LRSAM1: variants seen among roughly 807,000 people sequenced by gnomAD.
LRSAM1 encodes the protein leucine rich repeat and sterile alpha motif containing 1, also known as E3 ubiquitin-protein ligase LRSAM1.
A neutral mutation model predicts 118.1 loss-of-function variants in LRSAM1; 96 were observed. That is an observed-to-expected ratio of 0.81 (90% CI 0.69 to 0.96). The LOEUF (loss-of-function observed/expected upper bound fraction) is 0.96, where lower values mean the gene tolerates loss of function less well. Among genes scored for constraint, LRSAM1 ranks in the 40% least tolerant of loss-of-function variants. LRSAM1 has a pLI of 0.00. For missense variants in LRSAM1, 804 were observed against 915.5 expected (o/e 0.88, Z 1.57); for synonymous variants, 322 against 364.2 (o/e 0.88, Z 1.32).
chr9:127,501,269 A>G, intron 25 of LRSAM1, 126 bp downstream of exon 25: 1 of 1,257,736 alleles, frequency 8.0e-7, no homozygotes, highest in East Asian at 2.6e-5. Flanking sequence ...TCATCTAGAA[A>G]GAAGGCAGGA....
rs372408222 is a variant in LRSAM1, at chr9:127,454,589, A to G, written c.62A>G (p.Gln21Arg). ...SEEARKRLEYQMCLAKEAGAD... is the reference protein window; with the variant it reads ...SEEARKRLEYRMCLAKEAGAD... Reference sequence around the variant, plus strand: ...GAGGCTCGGAAACGCCTGGAGTACCAGATGTGTTTGGTGAGGGAAAGTGGG... The same window carrying G: ...GAGGCTCGGAAACGCCTGGAGTACCGGATGTGTTTGGTGAGGGAAAGTGGG... The change falls in exon 3 of 26, where the codon CAG (glutamine) becomes CGG (arginine). Residue 21 changes from glutamine (Q) to arginine (R), a missense_variant. Physicochemically the swap from Gln to Arg is conservative, Grantham distance 43. Coordinates refer to ENST00000300417, the MANE Select transcript of LRSAM1 (RefSeq NM_001005373.4). 1.5e-5 allele frequency: 24 copies of G among 1,613,896 alleles called. No homozygotes were observed. The African/African-American group carries it at 2.9e-4, about 20-fold the overall frequency.
chr9:127,491,843 CCAGCACAGCCCTGCTGTG>C (rs1250753371), intron 20 of LRSAM1, among the ~76,000 whole-genome samples: 1 of 152,188 alleles, frequency 6.6e-6, no homozygotes, highest in Non-Finnish European at 1.5e-5. Context: ...CGGGTGTGGC[CCAGCACAGCCCTGCTGTG>C]CAACTTTGGC....
chr9:127,469,203 C>G (rs561834372), intron 10 of LRSAM1, among the ~76,000 whole-genome samples: 1 of 152,300 alleles, frequency 6.6e-6, no homozygotes, highest in South Asian at 2.1e-4. Flanking sequence ...CACACGGTGG[C>G]TCACACCTGT....
chr9:127,492,139 C>T (rs1835955853), intron 20 of LRSAM1, among the ~76,000 whole-genome samples: 1 of 152,248 alleles, frequency 6.6e-6, no homozygotes. Context: ...AGACAGGCCT[C>T]TGCCCCTCCA....
intron 10 of LRSAM1, among the ~76,000 whole-genome samples, chr9:127,469,720 T>C (rs929532429): frequency 6.6e-6 from 1 of 151,830 alleles, no homozygotes; most frequent in African/African-American, 2.4e-5. Flanking sequence ...TCCCAGCACT[T>C]TGGGAGGCCG....
chr9:127,497,391 T>G, intron 24 of LRSAM1, 57 bp downstream of exon 24: 2 of 1,519,042 alleles, frequency 1.3e-6, no homozygotes, highest in Non-Finnish European at 1.8e-6. Context: ...GTGTGGGCTC[T>G]GGTGGGGACA....
Position 127,451,546 on chromosome 9 carries a change from C to G in LRSAM1, c.-312C>G, listed in dbSNP as rs1834321927. On this transcript the variant is annotated 5_prime_UTR_variant, in exon 1 of 26. Coordinates refer to ENST00000300417, the MANE Select transcript of LRSAM1 (RefSeq NM_001005373.4). Reference sequence around the variant, plus strand: ...GCGCCTGAGGCTGACGGCTGGCAAGCAGGGCACCGCGGTGCGCTGAAGCTA... The same window carrying G: ...GCGCCTGAGGCTGACGGCTGGCAAGGAGGGCACCGCGGTGCGCTGAAGCTA... 1.7e-6 allele frequency: 1 copy of G among 583,514 alleles called. No homozygotes were observed. The highest frequency in any genetic ancestry group is 3.1e-6 in the Non-Finnish European group (1 of 326,296). 36.1% of individuals were successfully genotyped at this position (583,514 alleles called of 1,614,324 possible).
chr9:127,485,882 G>T (rs1255283574), intron 17 of LRSAM1, 47 bp downstream of exon 17: 1 of 1,579,966 alleles, frequency 6.3e-7, no homozygotes, highest in Admixed American at 1.7e-5. Flanking sequence ...GGGGGAGCTG[G>T]CTCAGGGCCC....
chr9:127,484,974 A>C (rs1400169859), intron 16 of LRSAM1, among the ~76,000 whole-genome samples: 2 of 151,454 alleles, frequency 1.3e-5, no homozygotes, highest in Non-Finnish European at 2.9e-5. Flanking sequence ...TGCCCGGCTA[A>C]TTTTTGTATT....
chr9:127,492,713 G>C, intron 20 of LRSAM1, 89 bp from the exon 21 acceptor site: 1 of 1,215,136 alleles, frequency 8.2e-7, no homozygotes, highest in Non-Finnish European at 1.2e-6. Flanking sequence ...CCGAGTGAGC[G>C]GGAGGCCAGG....
chr9:127,461,506 C>T (rs1834745184), intron 8 of LRSAM1, among the ~76,000 whole-genome samples: 2 of 152,188 alleles, frequency 1.3e-5, no homozygotes, highest in Non-Finnish European at 2.9e-5. Flanking sequence ...GGCAGCTGGG[C>T]CCCGAGCCTC....
intron 10 of LRSAM1, among the ~76,000 whole-genome samples, chr9:127,471,860 G>T (rs562999256): frequency 2.1e-5 from 3 of 145,608 alleles, no homozygotes; most frequent in Non-Finnish European, 3.0e-5. Context: ...ACAGGGTTTC[G>T]CCATGTTGAC....
At chr9:127,482,861 G>A in intron 15 of LRSAM1, 89 bp from the exon 16 acceptor site, 1 of 1,276,784 alleles carries the variant, frequency 7.8e-7, no homozygotes, top group Non-Finnish European at 1.1e-6. Context: ...AAATCAAGGA[G>A]GCCTTCCTGG....
At chr9:127,489,971 G>T (rs1547841) in intron 19 of LRSAM1, among the ~76,000 whole-genome samples, 3 of 152,158 alleles carry the variant, frequency 2.0e-5, no homozygotes, top group Admixed American at 6.5e-5. Flanking sequence ...TGTGAGCCAC[G>T]GTGGTCCTGA....
At chr9:127,469,911 G>A (rs1248859900) in intron 10 of LRSAM1, among the ~76,000 whole-genome samples, 3 of 152,150 alleles carry the variant, frequency 2.0e-5, no homozygotes, top group Non-Finnish European at 4.4e-5. Context: ...CTTGCAGTGA[G>A]CCGAGATTGC....
Position 127,451,553 on chromosome 9 carries a change from C to T in LRSAM1, c.-305C>T. On this transcript the variant is annotated 5_prime_UTR_variant, in exon 1 of 26. Transcript: ENST00000300417. ...AGGCTGACGGCTGGCAAGCAGGGCA[C>T]CGCGGTGCGCTGAAGCTAGAGATTC... 2 of 577,278 alleles carry T rather than the reference C, an allele frequency of 3.5e-6. No individual in the cohort carries two copies. Among genetic ancestry groups the T allele is most frequent in the South Asian group, 2.1e-5 (1 of 47,540 alleles). 35.8% of individuals were successfully genotyped at this position (577,278 alleles called of 1,614,324 possible). A position where few individuals can be genotyped will look rare whatever the true frequency, so the allele number is the denominator to read the frequency against.
rs1435718430 is a variant in LRSAM1 at position 127,481,229 on chromosome 9, T to G, written c.1088+2T>G. ...TTTGAAATCGCTGGAAAATGAAAGGTAAGTGTTCTTCCAGGGGAGGGCAGC... is the reference window on the plus strand; with the variant it reads ...TTTGAAATCGCTGGAAAATGAAAGGGAAGTGTTCTTCCAGGGGAGGGCAGC... On this transcript the variant is annotated splice_donor_variant, in intron 15 of 25. Coordinates refer to ENST00000300417, the MANE Select transcript of LRSAM1 (RefSeq NM_001005373.4). LOFTEE classifies it high-confidence loss of function. The G allele has an allele frequency of 1.9e-6, 3 of 1,611,936 alleles. No homozygotes were observed. The highest frequency in any genetic ancestry group is 2.5e-6 in the Non-Finnish European group (3 of 1,179,652).
chr9:127,489,869 AGCCGGCGCAG>A (rs1328259741), intron 19 of LRSAM1, among the ~76,000 whole-genome samples: 2 of 152,242 alleles, frequency 1.3e-5, no homozygotes, highest in African/African-American at 4.8e-5. Context: ...TGGGAAAAGC[AGCCGGCGCAG>A]GCCCCAGCGC....
chr9:127,500,909 C>T lies in LRSAM1; in HGVS notation c.1913-101C>T, dbSNP rs562212344. 7.9e-5 allele frequency: 122 copies of T among 1,548,084 alleles called. 2 individuals carry two copies. In the South Asian group the frequency reaches 1.3e-3, roughly 17 times the overall value. On this transcript the variant is annotated intron_variant, in intron 24 of 25. Transcript: ENST00000300417. ...TGAGAGCAGAGGCTCCCCCACCCTC[C>T]AGCTCACTCACCATGGGGATGGGCA...
Sources: gnomAD v4.1 joint callset for allele counts (sites outside exome capture counted in the v4.1 genomes callset) on GRCh38, gnomAD v4.1.1 for gene constraint, MANE v1.5 for transcripts, NCBI Gene and HGNC (gene_info 2026-07-23, HGNC 2026-07-21) for gene names.